OR7G2: variants seen among roughly 807,000 people sequenced by gnomAD.
The protein encoded by OR7G2 is olfactory receptor family 7 subfamily G member 2.
For missense variants in OR7G2, 362 were observed against 384.0 expected (o/e 0.94, Z 0.48); for synonymous variants, 153 against 152.2 (o/e 1.01, Z -0.04).
At position 9,103,360 on chromosome 19, in the gene OR7G2, G is replaced by A. The variant is rs958927307; in HGVS notation, c.-16-101C>T. 5.3e-6 allele frequency: 6 copies of A among 1,132,422 alleles called. No individual in the cohort carries two copies. The African/African-American group carries it at 6.2e-5, about 12-fold the overall frequency. 70.1% of individuals were successfully genotyped at this position (1,132,422 alleles called of 1,614,324 possible). Reference sequence around the variant, plus strand: ...TCTTGCTCCCCTCCCCAGACTTCTTGCTGATAAACTCTGGGGATGAGAACC... The same window carrying A: ...TCTTGCTCCCCTCCCCAGACTTCTTACTGATAAACTCTGGGGATGAGAACC... On this transcript the variant is annotated intron_variant, in intron 1 of 1. Transcript: ENST00000641081.
At chr19:9,106,724 A>G (rs916521) in intron 1 of OR7G2, among the ~76,000 whole-genome samples, 51,593 of 139,444 alleles carry the variant, frequency 0.37, 9,940 homozygotes, top group East Asian at 0.63. Context: ...GTGACAGAGC[A>G]AGATTCCATC....
At chr19:9,106,464 A>G (rs201431642) in intron 1 of OR7G2, among the ~76,000 whole-genome samples, 2 of 148,624 alleles carry the variant, frequency 1.3e-5, no homozygotes, top group Non-Finnish European at 3.0e-5. Flanking sequence ...ACCATCCTTG[A>G]TTAGATATTT....
intron 1 of OR7G2, among the ~76,000 whole-genome samples, chr19:9,106,817 G>A (rs1313766831): frequency 6.6e-6 from 1 of 150,964 alleles, no homozygotes; most frequent in Non-Finnish European, 1.5e-5. Flanking sequence ...AGGGGAACCA[G>A]TACACACACT....
chr19:9,106,303 T>G (rs1228234395), intron 1 of OR7G2, among the ~76,000 whole-genome samples: 9 of 151,184 alleles, frequency 6.0e-5, no homozygotes, highest in Admixed American at 5.9e-4. Flanking sequence ...TGCACGCCTG[T>G]AACCCCAGCT....
intron 1 of OR7G2, among the ~76,000 whole-genome samples, chr19:9,103,589 C>A (rs1310872877): frequency 6.8e-6 from 1 of 147,904 alleles, no homozygotes; most frequent in African/African-American, 2.5e-5. Flanking sequence ...TTATTGCAAG[C>A]TCCACCTCCA....
At position 9,102,928 on chromosome 19, in the gene OR7G2, A is replaced by G. The variant is rs1401675721; in HGVS notation, c.316T>C (p.Phe106Leu). 3.1e-6 allele frequency: 5 copies of G among 1,614,078 alleles called. No individual in the cohort carries two copies. The South Asian group carries it at 5.5e-5, about 18-fold the overall frequency. The change falls in exon 2 of 2, where the codon TTT (phenylalanine) becomes CTT (leucine). Residue 106 changes from phenylalanine (F) to leucine (L), a missense_variant. By Grantham distance (22) the Phe-to-Leu change is conservative (BLOSUM62 0). Coordinates refer to ENST00000641081, the MANE Select transcript of OR7G2 (RefSeq NM_001005193.2). ...GCLTQICFVLFFAGLENCLLA... is the reference protein window; with the variant it reads ...GCLTQICFVLLFAGLENCLLA... ...AGACAATTTTCCAAGCCAGCAAAAAACAAGACAAAGCAGATCTGGGTGAGG... is the reference window on the plus strand; with the variant it reads ...AGACAATTTTCCAAGCCAGCAAAAAGCAAGACAAAGCAGATCTGGGTGAGG...
At chr19:9,103,686 T>C (rs1226171060) in intron 1 of OR7G2, among the ~76,000 whole-genome samples, 6 of 147,628 alleles carry the variant, frequency 4.1e-5, no homozygotes, top group African/African-American at 1.5e-4. Context: ...TGTGTGTGTG[T>C]GTGTGTGTTT....
At chr19:9,104,216 C>T (rs997547050) in intron 1 of OR7G2, among the ~76,000 whole-genome samples, 1 of 152,008 alleles carries the variant, frequency 6.6e-6, no homozygotes, top group South Asian at 2.1e-4. Flanking sequence ...TATCTTTATT[C>T]TTTCTGCTGT....
rs1180959839 is a variant in OR7G2, at chr19:9,101,859, T to A, written c.*410A>T. 1 of 158,924 alleles carries A rather than the reference T, an allele frequency of 6.3e-6. No individual in the cohort carries two copies. Among genetic ancestry groups the A allele is most frequent in the African/African-American group, 2.4e-5 (1 of 41,582 alleles). 9.8% of individuals were successfully genotyped at this position (158,924 alleles called of 1,614,324 possible). A position where few individuals can be genotyped will look rare whatever the true frequency, so the allele number is the denominator to read the frequency against. ...GTCAGATTTCAAGCCGGAGTGGAAA[T>A]GTAGTTGGCTTTTATGTCATCTAGA... On this transcript the variant is annotated 3_prime_UTR_variant, in exon 2 of 2. Coordinates refer to ENST00000641081, the MANE Select transcript of OR7G2 (RefSeq NM_001005193.2).
intron 1 of OR7G2, among the ~76,000 whole-genome samples, chr19:9,104,306 T>G (rs2050373902): frequency 6.6e-6 from 1 of 152,296 alleles, no homozygotes; most frequent in South Asian, 2.1e-4. Context: ...GGGATTCTTA[T>G]CAGCATAGAG....
intron 1 of OR7G2, 144 bp from the exon 2 acceptor site, chr19:9,103,403 C>G: frequency 1.4e-6 from 1 of 697,680 alleles, no homozygotes; most frequent in East Asian, 2.7e-5. Context: ...TATTCTTTCA[C>G]AAGCCTTGTA....
In OR7G2 at chr19:9,102,821, A is replaced by G; in HGVS notation, c.423T>C (p.Cys141=). ...ACAGAGAGAGAAGAATCAGCAGGCC[A>G]CAGAGGCGGGGGTTCATGATGACTG... ...RYTVIMNPRL[C]GLLILLSLLT... Residue 141 remains cysteine (C), a synonymous_variant, in exon 2 of 2, where the codon TGT becomes TGC. Coordinates refer to ENST00000641081, the MANE Select transcript of OR7G2 (RefSeq NM_001005193.2). The G allele has an allele frequency of 6.2e-7, 1 of 1,613,868 alleles. No individual in the cohort carries two copies. Among genetic ancestry groups the G allele is most frequent in the Non-Finnish European group, 8.5e-7 (1 of 1,179,784 alleles).
At position 9,102,660 on chromosome 19, in the gene OR7G2, T is replaced by C; in HGVS notation, c.584A>G (p.Asn195Ser). Reference sequence around the variant, plus strand: ...AGCTGCAAAATATATCAGGATGTTATTGATGAGGGTGTCTGAACAGGTGAG... The same window carrying C: ...AGCTGCAAAATATATCAGGATGTTACTGATGAGGGTGTCTGAACAGGTGAG... ...IQLTCSDTLI[N>S]NILIYFAACI... The change falls in exon 2 of 2, where the codon AAT (asparagine) becomes AGT (serine). Residue 195 changes from asparagine (N) to serine (S), a missense_variant. Transcript: ENST00000641081. The C allele has an allele frequency of 6.2e-7, 1 of 1,614,134 alleles. No individual in the cohort carries two copies. Among genetic ancestry groups the C allele is most frequent in the Non-Finnish European group, 8.5e-7 (1 of 1,180,028 alleles).
Position 9,102,236 on chromosome 19 carries a change from A to G in OR7G2, c.*33T>C, listed in dbSNP as rs2050357725. 6.5e-7 allele frequency: 1 copy of G among 1,546,684 alleles called. No individual in the cohort carries two copies. The highest frequency in any genetic ancestry group is 8.7e-7 in the Non-Finnish European group (1 of 1,146,960). ...AACAAAACAAAACAAAGAGTCAGGC[A>G]TTCTAGCTCACCAGGAATCCTGTCA... On this transcript the variant is annotated 3_prime_UTR_variant, in exon 2 of 2. Coordinates refer to ENST00000641081, the MANE Select transcript of OR7G2 (RefSeq NM_001005193.2).
chr19:9,105,574 C>T (rs1374269905), intron 1 of OR7G2, among the ~76,000 whole-genome samples: 5 of 152,110 alleles, frequency 3.3e-5, no homozygotes, highest in African/African-American at 1.2e-4. Flanking sequence ...ACAGGCTGTG[C>T]GTGGTGGTTC....
Position 9,107,453 on chromosome 19 carries a change from A to T in OR7G2, c.-156T>A, listed in dbSNP as rs2050392448. 1 of 152,078 alleles carries T rather than the reference A, an allele frequency of 6.6e-6. No individual in the cohort carries two copies. The allele number at this position is 152,078 out of a possible 1,614,324, so 9.4% of individuals were successfully genotyped here. On this transcript the variant is annotated 5_prime_UTR_variant, in exon 1 of 2. Transcript: ENST00000641081. The stretch of plus-strand genomic sequence containing the variant: ...TGTTCAGTGAGGTGCTTACAGCCTG[A>T]CTTGTTGCACTGTCTATATCCCTGG...
chr19:9,103,902 C>T (rs1600204094), intron 1 of OR7G2, among the ~76,000 whole-genome samples: 1 of 136,294 alleles, frequency 7.3e-6, no homozygotes, highest in South Asian at 2.4e-4. Flanking sequence ...TAGGGTCTCA[C>T]TCTGTCGCCC....
rs113618109 is a variant in OR7G2, at chr19:9,101,943, C to T, written c.*326G>A. On this transcript the variant is annotated 3_prime_UTR_variant, in exon 2 of 2. Coordinates refer to ENST00000641081, the MANE Select transcript of OR7G2 (RefSeq NM_001005193.2). ...GCAGGCTGGGCGCATTGTCTCACGC[C>T]TGTAATCCCAGCACTTTGGGAGGCC... is the stretch of plus-strand genomic sequence containing the variant. 2,343 of 221,332 alleles carry T rather than the reference C, an allele frequency of 0.011. 16 individuals carry two copies. Among genetic ancestry groups the T allele is most frequent in the Middle Eastern group, 0.046 (27 of 588 alleles). The allele number at this position is 221,332 out of a possible 1,614,324, so 13.7% of individuals were successfully genotyped here. A position where few individuals can be genotyped will look rare whatever the true frequency, so the allele number is the denominator to read the frequency against.
Position 9,103,118 on chromosome 19 carries a change from G to A in OR7G2, c.126C>T (p.Asn42=). ...AGATGACAGCCAAGAGGATGAGCAG[G>A]TTCCCCAGGATGGTGACCAAGTACA... ...LSMYLVTILG[N]LLILLAVISD... The change falls in exon 2 of 2, where the codon AAC becomes AAT. Residue 42 remains asparagine (N), a synonymous_variant. Coordinates refer to ENST00000641081, the MANE Select transcript of OR7G2 (RefSeq NM_001005193.2). The A allele has an allele frequency of 6.2e-7, 1 of 1,614,114 alleles. No individual in the cohort carries two copies. The highest frequency in any genetic ancestry group is 8.5e-7 in the Non-Finnish European group (1 of 1,180,026).
Sources: allele counts gnomAD v4.1 joint callset (sites outside exome capture counted in the v4.1 genomes callset), GRCh38; gene constraint gnomAD v4.1.1; transcripts MANE v1.5; gene names NCBI Gene and HGNC (gene_info 2026-07-23, HGNC 2026-07-21).